FGF14: variants seen among roughly 807,000 people sequenced by gnomAD.
FGF14 encodes the protein fibroblast growth factor homologous factor 4.
FGF14 carries 5 observed loss-of-function variants against 25.5 expected under a neutral mutation model. The ratio of observed to expected loss-of-function variants is 0.20; its 90% CI spans 0.10 to 0.41. The LOEUF is 0.41. FGF14 is among the 10% of genes least tolerant of loss of function. The pLI is 1.00. For synonymous variants in FGF14, 138 were observed against 118.3 expected, an observed-to-expected ratio of 1.17 and a Z score of -1.08; for missense variants, 222 against 320.1, an observed-to-expected ratio of 0.69 and a Z score of 2.34.
intron 1 of FGF14, among the ~76,000 whole-genome samples, chr13:102,386,938 CAG>C (rs2058318846): frequency 6.6e-6 from 1 of 152,178 alleles, no homozygotes; most frequent in African/African-American, 2.4e-5. Flanking sequence ...ACTAAAATGA[CAG>C]AATTCAGGTT....
intron 1 of FGF14, among the ~76,000 whole-genome samples, chr13:102,134,856 AC>A (rs1481670079): frequency 2.0e-5 from 3 of 152,254 alleles, no homozygotes; most frequent in South Asian, 4.1e-4. Context: ...CTTAAACCAA[AC>A]TTTTTCAATG....
At chr13:102,150,595 TAAGG>T (rs2047042823) in intron 1 of FGF14, among the ~76,000 whole-genome samples, 1 of 152,122 alleles carries the variant, frequency 6.6e-6, no homozygotes, top group East Asian at 1.9e-4. Flanking sequence ...AGTAAAAAGA[TAAGG>T]AAGATAAGGA....
intron 3 of FGF14, among the ~76,000 whole-genome samples, chr13:101,827,374 G>A (rs987660602): frequency 1.3e-5 from 2 of 151,904 alleles, no homozygotes; most frequent in African/African-American, 4.8e-5. Flanking sequence ...ATAATAAAAT[G>A]TTATATCAAC....
chr13:101,915,934 TAC>T lies in FGF14; in HGVS notation c.193+517_193+518del, dbSNP rs1165151307. Among the ~76,000 whole-genome samples the T allele has an allele frequency of 5.9e-5, 9 of 152,296 alleles. No individual in the cohort carries two copies. In the East Asian group the frequency reaches 1.7e-3, roughly 29 times the overall value. On this transcript the variant is annotated intron_variant, in intron 1 of 4. Transcript: ENST00000376143. ...TAGTTCACACACCCTCCACTCCTTC[TAC>T]AGCAGCTCCCGCTGGGGGCACCGCC...
rs939305113 is a variant in FGF14, at chr13:102,107,838, A to G, written c.209-232542T>C. Among the ~76,000 whole-genome samples the G allele has an allele frequency of 2.0e-5, 3 of 152,354 alleles. No individual in the cohort carries two copies. The South Asian group carries it at 6.2e-4, about 32-fold the overall frequency. ...AGACATACTCAGAAAACAGAAAGTC[A>G]TATGGCTTGACTCTATCATAGGCGT... On this transcript the variant is annotated intron_variant, in intron 1 of 4. Coordinates refer to the FGF14 transcript ENST00000376131.
intron 1 of FGF14, among the ~76,000 whole-genome samples, chr13:101,993,790 G>C (rs1244350739): frequency 6.6e-6 from 1 of 151,898 alleles, no homozygotes; most frequent in African/African-American, 2.4e-5. Flanking sequence ...GAGGAAAAAA[G>C]CAGCAAAGAA....
intron 1 of FGF14, among the ~76,000 whole-genome samples, chr13:102,275,777 A>G (rs2053506911): frequency 6.6e-6 from 1 of 152,192 alleles, no homozygotes; most frequent in Non-Finnish European, 1.5e-5. Context: ...CTTAGCTTAG[A>G]CAACTCAGGC....
At chr13:101,723,402 T>C (rs993520017) in intron 4 of FGF14, among the ~76,000 whole-genome samples, 1 of 152,080 alleles carries the variant, frequency 6.6e-6, no homozygotes, top group East Asian at 1.9e-4. Flanking sequence ...AATCAATCTT[T>C]GTGAGCTGCG....
At chr13:101,844,622 ATG>A (rs1328540108) in intron 3 of FGF14, among the ~76,000 whole-genome samples, 1 of 152,008 alleles carries the variant, frequency 6.6e-6, no homozygotes, top group Non-Finnish European at 1.5e-5. Context: ...TGGACTTAGC[ATG>A]GGCAGTGCAC....
At chr13:101,999,464 G>C (rs1436446854) in intron 1 of FGF14, among the ~76,000 whole-genome samples, 2 of 152,074 alleles carry the variant, frequency 1.3e-5, no homozygotes, top group African/African-American at 2.4e-5. Context: ...TTGCAAAGTA[G>C]CTCTTCTTGG....
intron 3 of FGF14, among the ~76,000 whole-genome samples, chr13:101,747,607 T>C (rs1179190573): frequency 2.0e-5 from 3 of 152,134 alleles, no homozygotes; most frequent in South Asian, 4.1e-4. Context: ...ATGCTCAACA[T>C]TGCTGATCAT....
At chr13:102,346,705 A>G (rs536516872) in intron 1 of FGF14, among the ~76,000 whole-genome samples, 34 of 151,728 alleles carry the variant, frequency 2.2e-4, no homozygotes, top group African/African-American at 8.0e-4. Flanking sequence ...AAATTTCAAC[A>G]CTGGATGTTT....
At chr13:101,761,367 T>C (rs951360844) in intron 3 of FGF14, among the ~76,000 whole-genome samples, 1 of 152,158 alleles carries the variant, frequency 6.6e-6, no homozygotes, top group Admixed American at 6.6e-5. Flanking sequence ...ATGAGAAAGT[T>C]ATACCACAAT....
At chr13:102,046,874 A>G (rs573322319) in intron 1 of FGF14, among the ~76,000 whole-genome samples, 68 of 152,190 alleles carry the variant, frequency 4.5e-4, no homozygotes, top group Non-Finnish European at 9.6e-4. Flanking sequence ...TATTCCAATA[A>G]TGAATGTCTC....
intron 3 of FGF14, among the ~76,000 whole-genome samples, chr13:101,796,116 G>A (rs565034936): frequency 2.0e-5 from 3 of 152,054 alleles, no homozygotes; most frequent in African/African-American, 4.8e-5. Flanking sequence ...TTTAGAAATC[G>A]TAAAATATAA....
At chr13:101,774,025 C>T (rs997652610) in intron 3 of FGF14, among the ~76,000 whole-genome samples, 1 of 151,722 alleles carries the variant, frequency 6.6e-6, no homozygotes, top group Non-Finnish European at 1.5e-5. Flanking sequence ...CCAGTTTTCT[C>T]ATTTATAAAA....
intron 1 of FGF14, among the ~76,000 whole-genome samples, chr13:101,876,151 TG>T (rs772488652): frequency 1.2e-4 from 19 of 152,328 alleles, no homozygotes; most frequent in Non-Finnish European, 7.3e-5. Flanking sequence ...CCTCATTTGA[TG>T]ATTCATTGAA....
At chr13:102,070,980 CAT>C (rs1045881956) in intron 1 of FGF14, among the ~76,000 whole-genome samples, 3 of 144,058 alleles carry the variant, frequency 2.1e-5, no homozygotes, top group African/African-American at 5.3e-5. Flanking sequence ...CACACACACA[CAT>C]AAAAACATCA....
At chr13:101,832,315 T>A (rs1205616883) in intron 3 of FGF14, among the ~76,000 whole-genome samples, 1 of 152,080 alleles carries the variant, frequency 6.6e-6, no homozygotes, top group Admixed American at 6.6e-5. Context: ...AACTGATCTC[T>A]GACCTCTGGC....
Sources: allele counts gnomAD v4.1 joint callset (sites outside exome capture counted in the v4.1 genomes callset), GRCh38; gene constraint gnomAD v4.1.1; transcripts MANE v1.5; gene names NCBI Gene and HGNC (gene_info 2026-07-23, HGNC 2026-07-21).